TRAPPC9: variants seen among roughly 807,000 people sequenced by gnomAD.
TRAPPC9 encodes the protein IKK2 binding protein.
A neutral mutation model predicts 124.0 loss-of-function variants in TRAPPC9; 83 were observed. That is an observed-to-expected ratio of 0.67 (90% CI 0.56 to 0.80). The LOEUF (loss-of-function observed/expected upper bound fraction) is 0.80. TRAPPC9 is among the 30% of genes least tolerant of loss of function. TRAPPC9 has a pLI of 0.00. For synonymous variants in TRAPPC9, 638 were observed against 617.5 expected, an observed-to-expected ratio of 1.03 and a Z score of -0.49; for missense variants, 1,302 against 1,508.3, an observed-to-expected ratio of 0.86 and a Z score of 2.27.
At chr8:140,073,737 T>C (rs552083330) in intron 17 of TRAPPC9, among the ~76,000 whole-genome samples, 1 of 152,260 alleles carries the variant, frequency 6.6e-6, no homozygotes, top group African/African-American at 2.4e-5. Flanking sequence ...CGTCACTCAG[T>C]ATGGGATGGT....
rs546657414 is a variant in TRAPPC9 at position 140,174,664 on chromosome 8, T to C, written c.2556+46795A>G. ...TGGACACTTCCTATAAATGGCGTCA[T>C]ATGACGTGTGGCCTTTTGTGTCTGG... On this transcript the variant is annotated intron_variant, in intron 17 of 22. Transcript: ENST00000438773. Among the ~76,000 whole-genome samples, 13 of 152,316 alleles carry C rather than the reference T, an allele frequency of 8.5e-5. No individual in the cohort carries two copies. The South Asian group carries it at 1.0e-3, about 12-fold the overall frequency.
At chr8:140,264,203 C>T (rs1255575354) in intron 15 of TRAPPC9, among the ~76,000 whole-genome samples, 1 of 152,168 alleles carries the variant, frequency 6.6e-6, no homozygotes, top group Non-Finnish European at 1.5e-5. Context: ...AGCTCATTAC[C>T]GAACCCCTCG....
At chr8:139,913,110 C>T (rs1831858962) in intron 19 of TRAPPC9, among the ~76,000 whole-genome samples, 1 of 152,234 alleles carries the variant, frequency 6.6e-6, no homozygotes, top group Non-Finnish European at 1.5e-5. Flanking sequence ...GCCACTGGAA[C>T]TACAACGGTG....
At chr8:140,069,097 G>A (rs1843011777) in intron 17 of TRAPPC9, among the ~76,000 whole-genome samples, 1 of 152,196 alleles carries the variant, frequency 6.6e-6, no homozygotes, top group Admixed American at 6.5e-5. Context: ...GCTTATCAAA[G>A]GGAGCTGTCC....
intron 21 of TRAPPC9, among the ~76,000 whole-genome samples, chr8:139,772,323 A>G (rs889416837): frequency 6.6e-6 from 1 of 152,202 alleles, no homozygotes; most frequent in Non-Finnish European, 1.5e-5. Flanking sequence ...CAAAGAGGTC[A>G]TTTCACATCA....
At chr8:139,922,840 C>A (rs1832595788) in intron 19 of TRAPPC9, among the ~76,000 whole-genome samples, 1 of 152,208 alleles carries the variant, frequency 6.6e-6, no homozygotes. Flanking sequence ...AGCTCAGGCC[C>A]AGAGAGCTGA....
chr8:140,356,741 C>G (rs554090583), intron 9 of TRAPPC9, among the ~76,000 whole-genome samples: 5 of 152,026 alleles, frequency 3.3e-5, no homozygotes, highest in Admixed American at 2.0e-4. Flanking sequence ...TCCCAAGTAG[C>G]TGGGATTACA....
At chr8:140,009,024 G>C (rs958608264) in intron 18 of TRAPPC9, among the ~76,000 whole-genome samples, 2 of 152,078 alleles carry the variant, frequency 1.3e-5, no homozygotes, top group African/African-American at 4.8e-5. Flanking sequence ...TCTAAAAACT[G>C]TTTCTATTTT....
intron 7 of TRAPPC9, among the ~76,000 whole-genome samples, chr8:140,380,403 C>T (rs1254643109): frequency 1.3e-5 from 2 of 152,050 alleles, no homozygotes; most frequent in African/African-American, 2.4e-5. Context: ...GCTGTAATCC[C>T]AGCGCTTTGG....
At chr8:140,348,171 A>G (rs1302638513) in intron 9 of TRAPPC9, among the ~76,000 whole-genome samples, 1 of 152,224 alleles carries the variant, frequency 6.6e-6, no homozygotes, top group Non-Finnish European at 1.5e-5. Flanking sequence ...AGCTGACTGG[A>G]TAACTGGGTG....
chr8:139,832,640 G>C (rs1826066820), intron 21 of TRAPPC9, among the ~76,000 whole-genome samples: 1 of 152,220 alleles, frequency 6.6e-6, no homozygotes, highest in South Asian at 2.1e-4. Flanking sequence ...AGGTCCGCCA[G>C]AGTGAGCACA....
intron 7 of TRAPPC9, among the ~76,000 whole-genome samples, chr8:140,373,113 G>A (rs999866264): frequency 6.6e-6 from 1 of 152,090 alleles, no homozygotes; most frequent in South Asian, 2.1e-4. Flanking sequence ...CCCTACTCTG[G>A]TGCCAGCCAC....
In TRAPPC9 at chr8:140,284,075, C is replaced by G. The variant is rs573179246; in HGVS notation, c.1982-54G>C. Reference sequence around the variant, plus strand: ...CACTGGCAAGGCTTTGGGTCTCACGCCCACGGCTGAAGCAGTGCGAAGAGT... The same window carrying G: ...CACTGGCAAGGCTTTGGGTCTCACGGCCACGGCTGAAGCAGTGCGAAGAGT... On this transcript the variant is annotated intron_variant, in intron 13 of 22. Coordinates refer to ENST00000438773, the MANE Select transcript of TRAPPC9 (RefSeq NM_001160372.4). 106 of 1,611,020 alleles carry G rather than the reference C, an allele frequency of 6.6e-5. No homozygotes were observed. The East Asian group carries it at 2.3e-3, about 36-fold the overall frequency.
At chr8:140,406,927 G>A (rs1344136637) in intron 5 of TRAPPC9, among the ~76,000 whole-genome samples, 1 of 152,166 alleles carries the variant, frequency 6.6e-6, no homozygotes. Context: ...AAATCAGCAC[G>A]ACCCGGTGAC....
At position 139,915,216 on chromosome 8, in the gene TRAPPC9, T is replaced by C. The variant is rs778668972; in HGVS notation, c.2811-4916A>G. Among the ~76,000 whole-genome samples the C allele has an allele frequency of 1.6e-4, 25 of 152,302 alleles. No individual in the cohort carries two copies. The South Asian group carries it at 4.3e-3, about 26-fold the overall frequency. On this transcript the variant is annotated intron_variant, in intron 19 of 22. Coordinates refer to ENST00000438773, the MANE Select transcript of TRAPPC9 (RefSeq NM_001160372.4). ...AGCAAGGTAACAGCTCTTTGAGTGA[T>C]GCCTTTTTGCTAGAGTGGGTTCTAA...
intron 17 of TRAPPC9, among the ~76,000 whole-genome samples, chr8:140,134,123 C>CA (rs1256494488): frequency 6.6e-6 from 1 of 152,142 alleles, no homozygotes; most frequent in Non-Finnish European, 1.5e-5. Context: ...TTAGAGGACT[C>CA]ACATGTCCTG....
intron 17 of TRAPPC9, among the ~76,000 whole-genome samples, chr8:140,035,159 T>G (rs1468967269): frequency 6.6e-6 from 1 of 152,264 alleles, no homozygotes; most frequent in Non-Finnish European, 1.5e-5. Context: ...ATCAGCAGAA[T>G]TGTCCTTACA....
At chr8:140,272,130 C>CAATGATGATGGT (rs1450234909) in intron 15 of TRAPPC9, among the ~76,000 whole-genome samples, 10 of 100,458 alleles carry the variant, frequency 1.0e-4, no homozygotes, top group East Asian at 6.0e-4. Context: ...GTGATGGTGG[C>CAATGATGATGGT]GATGGTGATG....
intron 19 of TRAPPC9, among the ~76,000 whole-genome samples, chr8:139,986,389 GA>G (rs1475704128): frequency 6.6e-6 from 1 of 152,184 alleles, no homozygotes; most frequent in Non-Finnish European, 1.5e-5. Flanking sequence ...GAAGGAAAGA[GA>G]AAAGAAGATG....
Sources: allele counts gnomAD v4.1 joint callset (sites outside exome capture counted in the v4.1 genomes callset), GRCh38; gene constraint gnomAD v4.1.1; transcripts MANE v1.5; gene names NCBI Gene and HGNC (gene_info 2026-07-23, HGNC 2026-07-21).